The following PRKD1 variants were observed in gnomAD, a reference collection of about 807,000 sequenced individuals.
The protein encoded by PRKD1 is serine/threonine-protein kinase D1.
A neutral mutation model predicts 95.9 loss-of-function variants in PRKD1; 63 were observed. That is an observed-to-expected ratio of 0.66 (90% CI 0.54 to 0.81). PRKD1 has a LOEUF of 0.81. Ranked by LOEUF, PRKD1 falls within the 30% of genes least tolerant of loss-of-function variation. The probability of loss-of-function intolerance (pLI) is 0.00; values close to 1 mark genes in which losing one functional copy is unlikely to be tolerated. For missense variants in PRKD1, 1,048 were observed against 1,165.3 expected, an observed-to-expected ratio of 0.90 and a Z score of 1.47; for synonymous variants, 425 against 423.1, an observed-to-expected ratio of 1.00 and a Z score of -0.05.
At chr14:29,630,548 G>T in intron 10 of PRKD1, 194 bp downstream of exon 10, 1 of 644,696 alleles carries the variant, frequency 1.6e-6, no homozygotes. Context: ...TAATAAAATA[G>T]GATAATTTAA....
Position 29,783,769 on chromosome 14 carries a change from T to C in PRKD1, c.265-58095A>G, listed in dbSNP as rs1473056444. 3.9e-5 allele frequency among the ~76,000 whole-genome samples: 6 copies of C among 152,236 alleles called. No homozygotes were observed. The East Asian group carries it at 9.6e-4, about 24-fold the overall frequency. The stretch of plus-strand genomic sequence containing the variant: ...TGCTGAGCATTTTTTCTTCTGTCTG[T>C]TGGCCATTCGTATGTCTTCTGTTGA... On this transcript the variant is annotated intron_variant, in intron 1 of 17. Transcript: ENST00000331968.
rs1347964691 is a variant in PRKD1, at chr14:29,619,786, A to G, written c.1905+4366T>C. Among the ~76,000 whole-genome samples, 8 of 152,266 alleles carry G rather than the reference A, an allele frequency of 5.3e-5. No homozygotes were observed. The East Asian group carries it at 9.7e-4, about 18-fold the overall frequency. On this transcript the variant is annotated intron_variant, in intron 13 of 17. Transcript: ENST00000331968. ...CTTCACTGTCTCAGGATACTGAATT[A>G]CTATTTTTACTGAGAGACTAATGTA...
chr14:29,849,018 C>A (rs1202250412), intron 1 of PRKD1, among the ~76,000 whole-genome samples: 1 of 152,164 alleles, frequency 6.6e-6, no homozygotes, highest in Non-Finnish European at 1.5e-5. Context: ...TACAAAAGAT[C>A]CTCAGAGACT....
intron 2 of PRKD1, among the ~76,000 whole-genome samples, chr14:29,713,169 T>C (rs1166324677): frequency 1.3e-5 from 2 of 152,148 alleles, no homozygotes; most frequent in Non-Finnish European, 2.9e-5. Flanking sequence ...GTATTTGTTA[T>C]GATTTTTCAT....
chr14:29,873,650 T>C (rs896210114), intron 1 of PRKD1, among the ~76,000 whole-genome samples: 2 of 152,218 alleles, frequency 1.3e-5, no homozygotes, highest in Non-Finnish European at 2.9e-5. Context: ...AGTGTCTAAA[T>C]ATGTAAGATG....
At chr14:29,654,315 G>A (rs1387225176) in intron 4 of PRKD1, among the ~76,000 whole-genome samples, 1 of 152,010 alleles carries the variant, frequency 6.6e-6, no homozygotes, top group Non-Finnish European at 1.5e-5. Context: ...GGGATTACAG[G>A]TGCGTGCCAC....
At chr14:29,584,643 T>C (rs1029751186) in intron 16 of PRKD1, among the ~76,000 whole-genome samples, 1 of 152,218 alleles carries the variant, frequency 6.6e-6, no homozygotes, top group African/African-American at 2.4e-5. Context: ...CTGAATACAT[T>C]AAATAGAAAT....
intron 1 of PRKD1, among the ~76,000 whole-genome samples, chr14:29,833,554 G>A (rs1396583276): frequency 1.3e-5 from 2 of 152,144 alleles, no homozygotes; most frequent in South Asian, 2.1e-4. Context: ...CAAAGGCAGT[G>A]TGCCTCAGAG....
At chr14:29,648,815 C>A (rs954740361) in intron 4 of PRKD1, among the ~76,000 whole-genome samples, 2 of 152,126 alleles carry the variant, frequency 1.3e-5, no homozygotes, top group Non-Finnish European at 2.9e-5. Context: ...CCACCATGCC[C>A]AGCTAATTTT....
intron 1 of PRKD1, among the ~76,000 whole-genome samples, chr14:29,809,641 A>G (rs972035178): frequency 6.6e-6 from 1 of 152,084 alleles, no homozygotes; most frequent in South Asian, 2.1e-4. Flanking sequence ...TAGCTTCCTC[A>G]CCTCTCTCAG....
chr14:29,714,160 G>A (rs1267058110), intron 2 of PRKD1, among the ~76,000 whole-genome samples: 2 of 152,060 alleles, frequency 1.3e-5, no homozygotes, highest in African/African-American at 4.8e-5. Flanking sequence ...TGTAATAAGA[G>A]TAATATTTCT....
intron 4 of PRKD1, among the ~76,000 whole-genome samples, 170 bp downstream of exon 4, chr14:29,663,529 A>C (rs1242604784): frequency 6.6e-6 from 1 of 152,170 alleles, no homozygotes; most frequent in Non-Finnish European, 1.5e-5. Flanking sequence ...AAACTGTTGG[A>C]TATTTGATGA....
At chr14:29,920,459 T>G (rs576876539) in intron 1 of PRKD1, among the ~76,000 whole-genome samples, 1 of 152,264 alleles carries the variant, frequency 6.6e-6, no homozygotes, top group African/African-American at 2.4e-5. Flanking sequence ...GGAAACTTCA[T>G]GTTACCATCA....
chr14:29,773,441 C>T lies in PRKD1; in HGVS notation c.265-47767G>A, dbSNP rs1292018860. On this transcript the variant is annotated intron_variant, in intron 1 of 17. Coordinates refer to ENST00000331968, the MANE Select transcript of PRKD1 (RefSeq NM_002742.3). ...TGCCAATGCACTCCAGCATGGATGA[C>T]AGAGCGAGGCTCTGTCTCAAAAAAA... Among the ~76,000 whole-genome samples the T allele has an allele frequency of 2.3e-5, 3 of 131,316 alleles. No homozygotes were observed. The East Asian group carries it at 6.4e-4, about 28-fold the overall frequency. The allele number at this position is 131,316 out of a possible 152,430, so 86.1% of individuals were successfully genotyped here.
intron 2 of PRKD1, among the ~76,000 whole-genome samples, chr14:29,681,800 T>A (rs1455155238): frequency 6.6e-6 from 1 of 152,232 alleles, no homozygotes; most frequent in Non-Finnish European, 1.5e-5. Flanking sequence ...AAGCTCACTC[T>A]CATGGATCAT....
At chr14:29,908,035 T>C (rs1333508316) in intron 1 of PRKD1, among the ~76,000 whole-genome samples, 3 of 152,070 alleles carry the variant, frequency 2.0e-5, no homozygotes, top group Admixed American at 1.3e-4. Context: ...ATATATTTCA[T>C]ATGTAGTCTA....
chr14:29,760,396 T>C (rs983253460), intron 1 of PRKD1, among the ~76,000 whole-genome samples: 2 of 149,684 alleles, frequency 1.3e-5, no homozygotes, highest in South Asian at 2.1e-4. Context: ...TGCTCCGTTG[T>C]GCAGGCTGGA....
chr14:29,642,440 T>G (rs919431046), intron 4 of PRKD1, among the ~76,000 whole-genome samples: 8 of 152,168 alleles, frequency 5.3e-5, no homozygotes, highest in African/African-American at 1.9e-4. Flanking sequence ...ATTAATAGTT[T>G]TAAAGGAAAT....
At chr14:29,738,160 C>T (rs1345625265) in intron 1 of PRKD1, among the ~76,000 whole-genome samples, 4 of 152,230 alleles carry the variant, frequency 2.6e-5, no homozygotes, top group Non-Finnish European at 2.9e-5. Flanking sequence ...AGTTTGGGTA[C>T]AGGCTTTTAT....
Sources: allele counts gnomAD v4.1 joint callset (sites outside exome capture counted in the v4.1 genomes callset), GRCh38; gene constraint gnomAD v4.1.1; transcripts MANE v1.5; gene names NCBI Gene and HGNC (gene_info 2026-07-23, HGNC 2026-07-21).